The following SGCD variants were observed in gnomAD, a reference collection of about 807,000 sequenced individuals.
SGCD encodes the protein sarcoglycan delta.
SGCD carries 18 observed loss-of-function variants against 36.6 expected under a neutral mutation model. That is an observed-to-expected ratio of 0.49 (90% CI 0.34 to 0.73). SGCD has a LOEUF of 0.73. SGCD is among the 30% of genes least tolerant of loss of function. The pLI, the probability that SGCD is intolerant of heterozygous loss-of-function variation, is 0.01. For synonymous variants in SGCD, 133 were observed against 130.6 expected (o/e 1.02, Z -0.12); for missense variants, 387 against 346.7 (o/e 1.12, Z -0.92).
chr5:156,645,540 A>G, intron 6 of SGCD, among the ~76,000 whole-genome samples: 1 of 152,332 alleles, frequency 6.6e-6, no homozygotes, highest in East Asian at 1.9e-4. Flanking sequence ...ATTTGCTCAT[A>G]GCTCATAAAA....
At chr5:156,563,544 T>G (rs1426936299) in intron 4 of SGCD, among the ~76,000 whole-genome samples, 4 of 152,178 alleles carry the variant, frequency 2.6e-5, no homozygotes, top group Non-Finnish European at 4.4e-5. Context: ...CTTTCCCTCT[T>G]TTTCCCCCAA....
intron 1 of SGCD, among the ~76,000 whole-genome samples, chr5:155,879,271 T>A (rs1755829150): frequency 6.6e-6 from 1 of 152,164 alleles, no homozygotes. Flanking sequence ...ATTACATATA[T>A]AAAACAGCAA....
intron 3 of SGCD, among the ~76,000 whole-genome samples, chr5:156,391,844 T>G (rs925414280): frequency 6.6e-6 from 1 of 152,228 alleles, no homozygotes; most frequent in Non-Finnish European, 1.5e-5. Context: ...TTTTCTTTTT[T>G]GTTGAAATGT....
At chr5:156,614,101 C>A (rs998916509) in intron 6 of SGCD, among the ~76,000 whole-genome samples, 1 of 152,128 alleles carries the variant, frequency 6.6e-6, no homozygotes, top group African/African-American at 2.4e-5. Flanking sequence ...TACGCACCAT[C>A]ACACCTGGCT....
At chr5:156,687,665 C>G (rs562110491) in intron 7 of SGCD, among the ~76,000 whole-genome samples, 1 of 152,292 alleles carries the variant, frequency 6.6e-6, no homozygotes, top group African/African-American at 2.4e-5. Flanking sequence ...ATTCACTGAC[C>G]CTCCTTTCCC....
the SGCD span, among the ~76,000 whole-genome samples, chr5:155,784,419 G>A: frequency 1.1e-3 from 175 of 152,288 alleles, 1 homozygote; most frequent in African/African-American, 3.9e-3. Flanking sequence ...AGCCGAAGGT[G>A]TCAGTAGTGC....
At chr5:156,016,757 C>T (rs908052846) in intron 1 of SGCD, among the ~76,000 whole-genome samples, 18 of 152,206 alleles carry the variant, frequency 1.2e-4, no homozygotes, top group African/African-American at 4.3e-4. Context: ...TTGCTGGGTT[C>T]CTCATTTGTG....
At chr5:156,037,363 A>C (rs1759524888) in intron 1 of SGCD, among the ~76,000 whole-genome samples, 1 of 152,172 alleles carries the variant, frequency 6.6e-6, no homozygotes, top group Non-Finnish European at 1.5e-5. Context: ...TGGAGCTGAT[A>C]AAACAGTGCA....
chr5:155,739,698 G>T, the SGCD span, among the ~76,000 whole-genome samples: 4 of 152,262 alleles, frequency 2.6e-5, no homozygotes, highest in South Asian at 8.3e-4. Context: ...CTTGAATAAA[G>T]AAGTGAATGC....
In SGCD at chr5:156,428,457, C is replaced by T. The variant is rs1191183686; in HGVS notation, c.193-80144C>T. On this transcript the variant is annotated intron_variant, in intron 3 of 8. Coordinates refer to ENST00000337851, the MANE Select transcript of SGCD (RefSeq NM_000337.6). ...TTTTTTAGTTAATCTCTTTAATGCT[C>T]TGTCAATTTTATGTATCTTTTCAAA... is the stretch of plus-strand genomic sequence containing the variant. Among the ~76,000 whole-genome samples, 6 of 151,916 alleles carry T rather than the reference C, an allele frequency of 3.9e-5. No individual in the cohort carries two copies. In the East Asian group the frequency reaches 1.2e-3, roughly 29 times the overall value.
chr5:156,315,006 C>A (rs1019198464), intron 3 of SGCD, among the ~76,000 whole-genome samples: 5 of 151,978 alleles, frequency 3.3e-5, no homozygotes, highest in Admixed American at 1.3e-4. Context: ...TCACCACAAT[C>A]AATCTAATTA....
intron 1 of SGCD, among the ~76,000 whole-genome samples, chr5:155,879,618 C>T (rs1755838195): frequency 6.6e-6 from 1 of 151,976 alleles, no homozygotes; most frequent in African/African-American, 2.4e-5. Flanking sequence ...AGGAAGATAA[C>T]TTAAAAATAA....
chr5:155,792,682 A>G, the SGCD span, among the ~76,000 whole-genome samples: 4 of 152,174 alleles, frequency 2.6e-5, no homozygotes, highest in African/African-American at 9.7e-5. Context: ...CATCAGAGAA[A>G]TGCAAATCAA....
chr5:155,866,231 C>G (rs1345391599), upstream of SGCD, among the ~76,000 whole-genome samples: 1 of 152,120 alleles, frequency 6.6e-6, no homozygotes, highest in Non-Finnish European at 1.5e-5. Flanking sequence ...CATCTCTTTT[C>G]TCTACCTCTC....
chr5:156,315,465 TG>T (rs1218502724), intron 3 of SGCD, among the ~76,000 whole-genome samples: 10 of 152,028 alleles, frequency 6.6e-5, no homozygotes, highest in Non-Finnish European at 7.4e-5. Context: ...CATTGGTTGA[TG>T]GATGCTCAAG....
At chr5:155,973,249 C>T (rs1205400918) in intron 1 of SGCD, among the ~76,000 whole-genome samples, 1 of 152,124 alleles carries the variant, frequency 6.6e-6, no homozygotes, top group East Asian at 1.9e-4. Flanking sequence ...AAGTCCAAAC[C>T]AGGATTTAAT....
intron 3 of SGCD, among the ~76,000 whole-genome samples, chr5:156,248,703 C>G (rs992998366): frequency 2.6e-5 from 4 of 152,186 alleles, no homozygotes; most frequent in African/African-American, 9.7e-5. Context: ...CAAGACAACT[C>G]TGGCCACTAT....
At chr5:155,759,198 T>G in the SGCD span, among the ~76,000 whole-genome samples, 1 of 152,124 alleles carries the variant, frequency 6.6e-6, no homozygotes, top group East Asian at 1.9e-4. Flanking sequence ...TTGTAATAAG[T>G]TTGCATTATA....
At chr5:156,160,094 C>G (rs1459644750) in intron 3 of SGCD, among the ~76,000 whole-genome samples, 1 of 151,542 alleles carries the variant, frequency 6.6e-6, no homozygotes, top group Non-Finnish European at 1.5e-5. Flanking sequence ...AAACAGTTTA[C>G]ACATATTTTC....
Sources: allele counts gnomAD v4.1 joint callset (sites outside exome capture counted in the v4.1 genomes callset), GRCh38; gene constraint gnomAD v4.1.1; transcripts MANE v1.5; gene names NCBI Gene and HGNC (gene_info 2026-07-23, HGNC 2026-07-21).